Variants in EPHA6 observed in about 807,000 individuals in gnomAD.
EPHA6 encodes the protein ephrin type-A receptor 6.
EPHA6 carries 50 observed loss-of-function variants against 112.0 expected under a neutral mutation model. The ratio of observed to expected loss-of-function variants is 0.45; its 90% CI spans 0.36 to 0.56. The LOEUF is 0.56. Among genes scored for constraint, EPHA6 ranks in the 20% least tolerant of loss-of-function variants. EPHA6 has a pLI of 0.00. For missense variants in EPHA6, 1,280 were observed against 1,417.4 expected (o/e 0.90, Z 1.56); for synonymous variants, 529 against 490.7 (o/e 1.08, Z -1.03).
At chr3:96,883,477 G>A (rs2037439681) in intron 2 of EPHA6, among the ~76,000 whole-genome samples, 1 of 152,130 alleles carries the variant, frequency 6.6e-6, no homozygotes, top group Admixed American at 6.6e-5. Context: ...TCATGGTCAT[G>A]AAATCCTTGC....
rs780244403 is a variant in EPHA6 at position 97,492,547 on chromosome 3, C to CAA, written c.2200+8534_2200+8535dup. On this transcript the variant is annotated intron_variant, in intron 10 of 17. Coordinates refer to ENST00000389672, the MANE Select transcript of EPHA6 (RefSeq NM_001080448.3). ...ACAGAGCGAGAGTGAGACTCAGTCT[C>CAA]AAAAAAAAAAAAAAAAAAAAAAAAA... Among the ~76,000 whole-genome samples the CAA allele has an allele frequency of 1.4e-4, 4 of 28,944 alleles. 2 individuals carry two copies. Among genetic ancestry groups the CAA allele is most frequent in the African/African-American group, 1.7e-4 (2 of 11,852 alleles). The allele number at this position is 28,944 out of a possible 152,430, so 19.0% of individuals were successfully genotyped here.
At chr3:97,298,702 ATTG>A (rs1205570355) in intron 5 of EPHA6, among the ~76,000 whole-genome samples, 3 of 152,120 alleles carry the variant, frequency 2.0e-5, no homozygotes, top group South Asian at 4.1e-4. Flanking sequence ...TATTTAGTGT[ATTG>A]TTTAGTAATA....
chr3:96,978,012 T>G (rs770134891), intron 2 of EPHA6, among the ~76,000 whole-genome samples: 1 of 151,830 alleles, frequency 6.6e-6, no homozygotes, highest in Non-Finnish European at 1.5e-5. Context: ...TACAAAAAAT[T>G]AGCTGGGCAT....
At chr3:97,008,638 A>G (rs1351683963) in intron 3 of EPHA6, among the ~76,000 whole-genome samples, 1 of 152,052 alleles carries the variant, frequency 6.6e-6, no homozygotes, top group East Asian at 1.9e-4. Context: ...TCCTCCATCT[A>G]GTTCTGTGCC....
At chr3:97,196,405 T>C (rs2077443036) in intron 3 of EPHA6, among the ~76,000 whole-genome samples, 1 of 152,024 alleles carries the variant, frequency 6.6e-6, no homozygotes, top group African/African-American at 2.4e-5. Context: ...CTAAGTTTCG[T>C]CAATCTTCCT....
intron 7 of EPHA6, among the ~76,000 whole-genome samples, chr3:97,474,892 A>T (rs2091325518): frequency 6.6e-6 from 1 of 152,062 alleles, no homozygotes; most frequent in Non-Finnish European, 1.5e-5. Context: ...AGTTCTATGA[A>T]GTATAAAGAA....
chr3:97,163,044 A>G lies in EPHA6; in HGVS notation c.1115-63220A>G, dbSNP rs2076453740. 2.0e-5 allele frequency among the ~76,000 whole-genome samples: 3 copies of G among 152,044 alleles called. No homozygotes were observed. In the South Asian group the frequency reaches 6.2e-4, roughly 32 times the overall value. ...CCATTGCATTCAGGTTTCCTAATTC[A>G]GTAGCCACAGTTTCCACTGTAAGGT... On this transcript the variant is annotated intron_variant, in intron 3 of 17. Transcript: ENST00000389672.
chr3:97,133,244 G>T (rs2075682244), intron 3 of EPHA6, among the ~76,000 whole-genome samples: 1 of 151,902 alleles, frequency 6.6e-6, no homozygotes, highest in East Asian at 1.9e-4. Context: ...TGAAATACTG[G>T]GTTAAGCCAT....
At chr3:97,408,109 A>G (rs189488347) in intron 6 of EPHA6, among the ~76,000 whole-genome samples, 202 of 152,190 alleles carry the variant, frequency 1.3e-3, no homozygotes, top group African/African-American at 4.6e-3. Flanking sequence ...ACCCAACAGA[A>G]GAGGAGAAAA....
At chr3:97,286,980 T>G (rs1232740777) in intron 5 of EPHA6, among the ~76,000 whole-genome samples, 2 of 151,976 alleles carry the variant, frequency 1.3e-5, no homozygotes, top group African/African-American at 2.4e-5. Context: ...TATTCCTAGG[T>G]TTTTGTTTTT....
chr3:97,335,695 G>A (rs1427426381), intron 5 of EPHA6, among the ~76,000 whole-genome samples: 7 of 152,052 alleles, frequency 4.6e-5, no homozygotes, highest in South Asian at 2.1e-4. Flanking sequence ...TTCACCTTGC[G>A]CACTGCCTAG....
chr3:97,545,092 C>A (rs1250765433), intron 11 of EPHA6, among the ~76,000 whole-genome samples: 1 of 152,018 alleles, frequency 6.6e-6, no homozygotes, highest in Non-Finnish European at 1.5e-5. Flanking sequence ...TTAGTTATTT[C>A]TTGCCTTCTG....
rs550187054 is a variant in EPHA6 at position 97,578,091 on chromosome 3, A to G, written c.2387-14521A>G. ...TAGAGTCATCAGAGGATATTGACAC[A>G]GTTAATTTAGGGACCAGGAATGCTA... On this transcript the variant is annotated intron_variant, in intron 11 of 17. Coordinates refer to ENST00000389672, the MANE Select transcript of EPHA6 (RefSeq NM_001080448.3). Among the ~76,000 whole-genome samples, 13 of 152,354 alleles carry G rather than the reference A, an allele frequency of 8.5e-5. No individual in the cohort carries two copies. The East Asian group carries it at 2.3e-3, about 27-fold the overall frequency.
intron 14 of EPHA6, among the ~76,000 whole-genome samples, chr3:97,658,426 A>G (rs1051810872): frequency 1.3e-5 from 2 of 151,874 alleles, no homozygotes; most frequent in African/African-American, 2.4e-5. Context: ...TATAACTATA[A>G]CCTATGGCCA....
chr3:97,187,721 G>GAAAGAAAGAA, intron 3 of EPHA6, among the ~76,000 whole-genome samples: 1 of 147,636 alleles, frequency 6.8e-6, no homozygotes, highest in Admixed American at 6.8e-5. Context: ...AAGAAAGAAA[G>GAAAGAAAGAA]AAAGAAAGAA....
chr3:97,085,734 A>G (rs916364768), intron 3 of EPHA6, among the ~76,000 whole-genome samples: 2 of 151,796 alleles, frequency 1.3e-5, no homozygotes, highest in Non-Finnish European at 2.9e-5. Flanking sequence ...ACACTGTACT[A>G]TTTATCTTAG....
chr3:97,596,773 TATAC>T (rs1277299806), intron 12 of EPHA6, among the ~76,000 whole-genome samples: 6 of 52,176 alleles, frequency 1.1e-4, no homozygotes, highest in East Asian at 4.4e-4. Context: ...AAGTAACTCA[TATAC>T]ATATATATAT....
intron 5 of EPHA6, among the ~76,000 whole-genome samples, chr3:97,274,932 G>C (rs1414657888): frequency 6.6e-6 from 1 of 152,174 alleles, no homozygotes; most frequent in South Asian, 2.1e-4. Context: ...AGGAGCCGGG[G>C]AGCAGAAACT....
At chr3:97,045,024 T>C (rs1468059807) in intron 3 of EPHA6, among the ~76,000 whole-genome samples, 1 of 152,100 alleles carries the variant, frequency 6.6e-6, no homozygotes, top group Non-Finnish European at 1.5e-5. Flanking sequence ...ATTTGAATGT[T>C]TAAATTCAAA....
Sources: gnomAD v4.1 joint callset for allele counts (sites outside exome capture counted in the v4.1 genomes callset) on GRCh38, gnomAD v4.1.1 for gene constraint, MANE v1.5 for transcripts, NCBI Gene and HGNC (gene_info 2026-07-23, HGNC 2026-07-21) for gene names.